Variants in CDH4 observed in about 807,000 individuals in gnomAD.
CDH4 encodes cadherin-4.
Under a neutral mutation model 86.0 loss-of-function variants are expected in CDH4, and 33 were observed. The ratio of observed to expected loss-of-function variants is 0.38; its 90% CI spans 0.29 to 0.51. The LOEUF (loss-of-function observed/expected upper bound fraction) is 0.51. Ranked by LOEUF, CDH4 falls within the 20% of genes least tolerant of loss-of-function variation. CDH4 has a pLI of 0.86. For synonymous variants in CDH4, 555 were observed against 549.4 expected (o/e 1.01, Z -0.14); for missense variants, 1,114 against 1,307.4 (o/e 0.85, Z 2.28).
chr20:61,278,981 C>T (rs1195359669), intron 2 of CDH4, among the ~76,000 whole-genome samples: 1 of 152,216 alleles, frequency 6.6e-6, no homozygotes, highest in African/African-American at 2.4e-5. Flanking sequence ...AAAGTGGATG[C>T]ATCTGCCAGG....
intron 2 of CDH4, among the ~76,000 whole-genome samples, chr20:61,372,377 C>T (rs538176763): frequency 5.9e-5 from 9 of 152,350 alleles, no homozygotes; most frequent in African/African-American, 2.2e-4. Context: ...CGTGTCTACC[C>T]GCACACGCTT....
At chr20:61,373,373 T>C (rs1356422512) in intron 2 of CDH4, among the ~76,000 whole-genome samples, 1 of 152,252 alleles carries the variant, frequency 6.6e-6, no homozygotes, top group Non-Finnish European at 1.5e-5. Flanking sequence ...TGAAATGGGC[T>C]ATGCCCTTTA....
At chr20:61,649,479 G>A (rs2087099105) in intron 2 of CDH4, among the ~76,000 whole-genome samples, 1 of 152,168 alleles carries the variant, frequency 6.6e-6, no homozygotes, top group Non-Finnish European at 1.5e-5. Flanking sequence ...TCTGGAAGTT[G>A]TACATCCAGG....
In CDH4 at chr20:61,592,099, G is replaced by T. The variant is rs146784388; in HGVS notation, c.170-151464G>T. ...TAAGCAAAAACAGGTTTTCCACAAA[G>T]AAGTGGCTAGTTGAGCTAGCAACTC... On this transcript the variant is annotated intron_variant, in intron 2 of 15. Transcript: ENST00000614565. Among the ~76,000 whole-genome samples, 26 of 152,068 alleles carry T rather than the reference G, an allele frequency of 1.7e-4. No individual in the cohort carries two copies. The East Asian group carries it at 4.0e-3, about 24-fold the overall frequency.
intron 2 of CDH4, among the ~76,000 whole-genome samples, chr20:61,315,109 C>T (rs778393097): frequency 3.3e-5 from 5 of 152,296 alleles, no homozygotes; most frequent in Non-Finnish European, 4.4e-5. Context: ...ATGCCAGACT[C>T]CTCCTCCTTG....
chr20:61,894,524 C>A (rs1296532006), intron 7 of CDH4, among the ~76,000 whole-genome samples: 2 of 152,158 alleles, frequency 1.3e-5, no homozygotes, highest in African/African-American at 4.8e-5. Flanking sequence ...GTCTGTGGGG[C>A]ATCCCTCCCT....
intron 3 of CDH4, among the ~76,000 whole-genome samples, chr20:61,771,854 A>G (rs2088779658): frequency 6.6e-6 from 1 of 152,224 alleles, no homozygotes; most frequent in African/African-American, 2.4e-5. Flanking sequence ...AAAAACATCC[A>G]AAGTAAACAT....
intron 2 of CDH4, among the ~76,000 whole-genome samples, chr20:61,422,446 A>C (rs2085184143): frequency 7.0e-6 from 1 of 143,440 alleles, no homozygotes; most frequent in African/African-American, 2.6e-5. Context: ...AAAAAAAAAA[A>C]AAAAAAAAAA....
chr20:61,863,782 G>C (rs6089528), intron 6 of CDH4, among the ~76,000 whole-genome samples: 92,356 of 151,958 alleles, frequency 0.61, 28,422 homozygotes, highest in Middle Eastern at 0.69. Flanking sequence ...AGGGTGCAGA[G>C]CCATGAGGCT....
intron 2 of CDH4, among the ~76,000 whole-genome samples, chr20:61,660,729 C>T (rs2087244546): frequency 6.6e-6 from 1 of 152,138 alleles, no homozygotes; most frequent in Non-Finnish European, 1.5e-5. Context: ...CACCCTGGGC[C>T]ACCCGGGTTT....
At chr20:61,728,821 A>T (rs6142841) in intron 2 of CDH4, among the ~76,000 whole-genome samples, 64,852 of 152,074 alleles carry the variant, frequency 0.43, 14,239 homozygotes, top group South Asian at 0.54. Flanking sequence ...TTCTAAAAAT[A>T]ACTCGCACTT....
chr20:61,862,635 G>A lies in CDH4; in HGVS notation c.877+9737G>A, dbSNP rs189764504. 1.5e-4 allele frequency among the ~76,000 whole-genome samples: 23 copies of A among 152,284 alleles called. No homozygotes were observed. The East Asian group carries it at 4.4e-3, about 29-fold the overall frequency. On this transcript the variant is annotated intron_variant, in intron 6 of 15. Transcript: ENST00000614565. ...TGACTGTTTTCCACCGCTGTCCCCC[G>A]CAGCATCAGAGAACGAGCTCTCAGG... is the stretch of plus-strand genomic sequence containing the variant.
rs549037504 is a variant in CDH4 at position 61,709,674 on chromosome 20, G to T, written c.170-33889G>T. ...GTAGCATGGTTTCCAGAGTAAAGGAGGGCAAATGGCACCCATAAATGGAAG... is the reference window on the plus strand; with the variant it reads ...GTAGCATGGTTTCCAGAGTAAAGGATGGCAAATGGCACCCATAAATGGAAG... On this transcript the variant is annotated intron_variant, in intron 2 of 15. Coordinates refer to ENST00000614565, the MANE Select transcript of CDH4 (RefSeq NM_001794.5). This position sits in a 1 kb window ranked among gnomAD's most constrained non-coding sequence, Gnocchi z 4.8. 5.3e-5 allele frequency among the ~76,000 whole-genome samples: 8 copies of T among 152,154 alleles called. No individual in the cohort carries two copies. Among genetic ancestry groups the T allele is most frequent in the Non-Finnish European group, 2.9e-5 (2 of 68,022 alleles).
intron 2 of CDH4, among the ~76,000 whole-genome samples, chr20:61,547,338 G>A (rs1345119885): frequency 2.0e-5 from 3 of 149,736 alleles, no homozygotes; most frequent in African/African-American, 4.9e-5. Context: ...TCAGCCTCCC[G>A]AGTAGCTGGG....
chr20:61,864,187 C>T (rs1454049339), intron 6 of CDH4, among the ~76,000 whole-genome samples: 2 of 152,114 alleles, frequency 1.3e-5, no homozygotes, highest in East Asian at 3.9e-4. Flanking sequence ...TTGGACGGTG[C>T]CCCAACCCCA....
chr20:61,487,588 C>G (rs1449040541), intron 2 of CDH4, among the ~76,000 whole-genome samples: 2 of 152,182 alleles, frequency 1.3e-5, no homozygotes, highest in African/African-American at 4.8e-5. Flanking sequence ...TTTTCTGATT[C>G]TCTGCTATTT....
intron 2 of CDH4, among the ~76,000 whole-genome samples, chr20:61,697,353 A>G (rs192296236): frequency 1.6e-3 from 245 of 152,280 alleles, no homozygotes; most frequent in Middle Eastern, 6.8e-3. Context: ...TAATACCAGC[A>G]CTTTGGGAGG....
rs2087441845 is a variant in CDH4, at chr20:61,676,079, G to A, written c.170-67484G>A. 6.6e-6 allele frequency among the ~76,000 whole-genome samples: 1 copy of A among 152,200 alleles called. No homozygotes were observed. Among genetic ancestry groups the A allele is most frequent in the African/African-American group, 2.4e-5 (1 of 41,438 alleles). Reference sequence around the variant, plus strand: ...TAATGTAATTGGGCAGTCGGTGGGGGGAGCCTCAGCGAGGACCGAGTGTGG... The same window carrying A: ...TAATGTAATTGGGCAGTCGGTGGGGAGAGCCTCAGCGAGGACCGAGTGTGG... On this transcript the variant is annotated intron_variant, in intron 2 of 15. Coordinates refer to ENST00000614565, the MANE Select transcript of CDH4 (RefSeq NM_001794.5). This position sits in a 1 kb window ranked among gnomAD's most constrained non-coding sequence, Gnocchi z 4.5.
At chr20:61,573,346 A>G (rs1302363940) in intron 2 of CDH4, among the ~76,000 whole-genome samples, 1 of 152,218 alleles carries the variant, frequency 6.6e-6, no homozygotes, top group African/African-American at 2.4e-5. Context: ...TCTTATTGGC[A>G]TTTGCCTTGA....
Sources: allele counts gnomAD v4.1 joint callset (sites outside exome capture counted in the v4.1 genomes callset), GRCh38; gene constraint gnomAD v4.1.1; non-coding constraint Gnocchi (gnomAD v3.1); transcripts MANE v1.5; gene names NCBI Gene and HGNC (gene_info 2026-07-23, HGNC 2026-07-21).